Variants in FHIP1A observed in about 807,000 individuals in gnomAD.
FHIP1A encodes FHF complex subunit HOOK-interacting protein 1A.
Under a neutral mutation model 88.6 loss-of-function variants are expected in FHIP1A, and 61 were observed. That is an observed-to-expected ratio of 0.69 (90% CI 0.56 to 0.85). The LOEUF (loss-of-function observed/expected upper bound fraction) is 0.85, where lower values mean the gene tolerates loss of function less well. Ranked by LOEUF, FHIP1A falls within the 40% of genes least tolerant of loss-of-function variation. FHIP1A has a pLI of 0.00. For missense variants in FHIP1A, 1,154 were observed against 1,273.5 expected (o/e 0.91, Z 1.43); for synonymous variants, 478 against 496.0 (o/e 0.96, Z 0.48).
At chr4:151,496,700 A>G (rs911966753) in intron 3 of FHIP1A, among the ~76,000 whole-genome samples, 2 of 142,282 alleles carry the variant, frequency 1.4e-5, no homozygotes, top group Non-Finnish European at 3.0e-5. Context: ...CCACAGGAGC[A>G]TACCACCACG....
intron 3 of FHIP1A, among the ~76,000 whole-genome samples, chr4:151,497,184 C>T (rs1164806013): frequency 6.6e-6 from 1 of 152,040 alleles, no homozygotes; most frequent in African/African-American, 2.4e-5. Flanking sequence ...CAAGATTCTG[C>T]CTCTAATTCT....
At chr4:151,562,232 C>G (rs1024144335) in intron 3 of FHIP1A, among the ~76,000 whole-genome samples, 1 of 152,136 alleles carries the variant, frequency 6.6e-6, no homozygotes, top group African/African-American at 2.4e-5. Context: ...CCTATATTCT[C>G]TAGCCATTTC....
chr4:151,620,810 G>A (rs1263353887), intron 7 of FHIP1A, among the ~76,000 whole-genome samples: 1 of 146,278 alleles, frequency 6.8e-6, no homozygotes, highest in African/African-American at 2.5e-5. Flanking sequence ...GGTACCAAAC[G>A]ATTGGGTTCT....
chr4:151,587,821 G>T (rs902512365), intron 6 of FHIP1A, among the ~76,000 whole-genome samples: 2 of 151,818 alleles, frequency 1.3e-5, no homozygotes, highest in Non-Finnish European at 2.9e-5. Flanking sequence ...TAAGAAAAAT[G>T]GATTACATCT....
At chr4:151,599,221 A>G (rs937262386) in intron 7 of FHIP1A, among the ~76,000 whole-genome samples, 2 of 152,276 alleles carry the variant, frequency 1.3e-5, no homozygotes, top group African/African-American at 4.8e-5. Context: ...AGATACGGAT[A>G]TGATTTTGTG....
At chr4:151,535,007 A>C (rs1732012141) in intron 3 of FHIP1A, 1 of 152,282 alleles carries the variant, frequency 6.6e-6, no homozygotes, top group Non-Finnish European at 1.5e-5. Flanking sequence ...TCTTGAGCCT[A>C]GGAGTTCAAG....
intron 9 of FHIP1A, 51 bp downstream of exon 9, chr4:151,638,807 T>C (rs1736463465): frequency 1.0e-6 from 1 of 957,412 alleles, no homozygotes; most frequent in Non-Finnish European, 1.6e-6. Flanking sequence ...TTATACTTTA[T>C]ATTACTTTAT....
intron 1 of FHIP1A, among the ~76,000 whole-genome samples, chr4:151,430,714 T>G (rs1265197132): frequency 2.0e-5 from 3 of 152,216 alleles, no homozygotes; most frequent in Admixed American, 2.0e-4. Flanking sequence ...CAGCAGGATA[T>G]TTGTCACAGC....
chr4:151,613,062 G>A (rs1437326718), intron 7 of FHIP1A, among the ~76,000 whole-genome samples: 1 of 152,164 alleles, frequency 6.6e-6, no homozygotes. Flanking sequence ...AACTCTCCAG[G>A]TGATTCTAAC....
chr4:151,628,558 T>A (rs894639907), intron 7 of FHIP1A, among the ~76,000 whole-genome samples: 2 of 152,150 alleles, frequency 1.3e-5, no homozygotes, highest in African/African-American at 4.8e-5. Flanking sequence ...AACCGTAAGA[T>A]AATGTGACAA....
chr4:151,593,511 T>A (rs547295019), intron 7 of FHIP1A, among the ~76,000 whole-genome samples: 1 of 152,028 alleles, frequency 6.6e-6, no homozygotes, highest in Non-Finnish European at 1.5e-5. Flanking sequence ...AGATATTTTA[T>A]TTTTTTTGTA....
At chr4:151,619,261 A>G (rs1457572995) in intron 7 of FHIP1A, among the ~76,000 whole-genome samples, 2 of 152,188 alleles carry the variant, frequency 1.3e-5, no homozygotes, top group African/African-American at 4.8e-5. Flanking sequence ...TTTTCCAGTA[A>G]ATTAAAACAA....
At chr4:151,575,084 C>T (rs962289763) in intron 4 of FHIP1A, among the ~76,000 whole-genome samples, 2 of 152,174 alleles carry the variant, frequency 1.3e-5, no homozygotes, top group Non-Finnish European at 2.9e-5. Context: ...TAATTTGCCA[C>T]TCCACCATCA....
At chr4:151,550,308 C>T (rs371422089) in intron 3 of FHIP1A, among the ~76,000 whole-genome samples, 77 of 152,184 alleles carry the variant, frequency 5.1e-4, no homozygotes, top group East Asian at 3.9e-3. Context: ...CCCTACTATG[C>T]GATCAAAGAG....
intron 1 of FHIP1A, among the ~76,000 whole-genome samples, chr4:151,451,510 T>C (rs1359298627): frequency 6.6e-6 from 1 of 152,202 alleles, no homozygotes; most frequent in East Asian, 1.9e-4. Flanking sequence ...CTTCCTGGCC[T>C]TTGGGTCTTT....
intron 1 of FHIP1A, among the ~76,000 whole-genome samples, chr4:151,444,722 CT>C (rs1284675398): frequency 2.0e-5 from 3 of 152,022 alleles, no homozygotes; most frequent in Non-Finnish European, 4.4e-5. Context: ...TTTACGCAAG[CT>C]TATGTTTTTG....
intron 3 of FHIP1A, among the ~76,000 whole-genome samples, chr4:151,559,229 T>C (rs1733074747): frequency 1.3e-5 from 2 of 152,316 alleles, no homozygotes; most frequent in African/African-American, 2.4e-5. Flanking sequence ...AGACTTCAAA[T>C]ATGTTGTCAT....
chr4:151,525,675 A>T (rs1216230758), intron 3 of FHIP1A, among the ~76,000 whole-genome samples: 1 of 151,684 alleles, frequency 6.6e-6, no homozygotes, highest in East Asian at 1.9e-4. Flanking sequence ...AATCAATTTA[A>T]TCATTTTAAA....
At chr4:151,577,404 T>C (rs1259407457) in intron 4 of FHIP1A, 46 bp from the exon 5 acceptor site, 1 of 1,469,694 alleles carries the variant, frequency 6.8e-7, no homozygotes, top group Non-Finnish European at 9.0e-7. Flanking sequence ...GTTTTTGTAA[T>C]TATGATAAAC....
Sources: allele counts gnomAD v4.1 joint callset (sites outside exome capture counted in the v4.1 genomes callset), GRCh38; gene constraint gnomAD v4.1.1; transcripts MANE v1.5; gene names NCBI Gene and HGNC (gene_info 2026-07-23, HGNC 2026-07-21).